AP1G2: variants seen among roughly 807,000 people sequenced by gnomAD.
The protein encoded by AP1G2 is AP-1 complex subunit gamma-like 2.
In AP1G2, 85 loss-of-function variants were observed where a neutral mutation model predicts 95.8. The ratio of observed to expected loss-of-function variants is 0.89; its 90% confidence interval spans 0.74 to 1.06. AP1G2 has a LOEUF of 1.06. AP1G2 is among the 50% of genes least tolerant of loss of function. The probability of loss-of-function intolerance (pLI) is 0.00; values close to 1 mark genes in which losing one functional copy is unlikely to be tolerated. For synonymous variants in AP1G2, 378 were observed against 400.0 expected, an observed-to-expected ratio of 0.94 and a Z score of 0.66; for missense variants, 967 against 1,005.8, an observed-to-expected ratio of 0.96 and a Z score of 0.52.
intron 19 of AP1G2, 62 bp downstream of exon 19, chr14:23,561,231 TAGG>T (rs1446398373): frequency 4.7e-6 from 7 of 1,502,132 alleles, no homozygotes; most frequent in East Asian, 2.3e-5. Context: ...GCCCTTGGCT[TAGG>T]AGGAGGAGCA....
In AP1G2 at chr14:23,563,701, TC is replaced by T. The variant is rs748453641; in HGVS notation, c.1232+14del. 6.2e-7 allele frequency: 1 copy of T among 1,613,984 alleles called. No individual in the cohort carries two copies. Among genetic ancestry groups the T allele is most frequent in the East Asian group, 2.2e-5 (1 of 44,890 alleles). ...CTCCCCAGATTCTACCCTCTTCGAC[TC>T]CTGGGCACCTCACCTCTCTGCAGCC... On this transcript the variant is annotated intron_variant, in intron 12 of 21. Coordinates refer to ENST00000397120, the MANE Select transcript of AP1G2 (RefSeq NM_003917.5).
intron 14 of AP1G2, chr14:23,562,961 G>T: frequency 2.6e-6 from 2 of 762,846 alleles, no homozygotes; most frequent in Non-Finnish European, 3.6e-6. Context: ...GGATGGAAAT[G>T]TGAGAGGGTC....
rs747580913 is a variant in AP1G2 at position 23,561,144 on chromosome 14, T to C, written c.1993+152A>G. 76 of 1,385,448 alleles carry C rather than the reference T, an allele frequency of 5.5e-5. 1 individual carries two copies. The highest frequency in any genetic ancestry group is 1.2e-4 in the East Asian group (5 of 40,152). The allele number at this position is 1,385,448 out of a possible 1,614,324, so 85.8% of individuals were successfully genotyped here. A position where few individuals can be genotyped will look rare whatever the true frequency, so the allele number is the denominator to read the frequency against. ...ACAAAGGGAAGACAGATGACCATGA[T>C]TGACTTCATTCTTTTACCTCCTGAG... On this transcript the variant is annotated intron_variant, in intron 19 of 21. Transcript: ENST00000397120.
Position 23,564,555 on chromosome 14 carries a change from G to C in AP1G2, c.921+7C>G. 6.2e-7 allele frequency: 1 copy of C among 1,612,834 alleles called. No homozygotes were observed. Among genetic ancestry groups the C allele is most frequent in the South Asian group, 1.1e-5 (1 of 91,030 alleles). ...GGCCGTAGTGGGAGAGGCATAAGGG[G>C]TGATACCCGTAGGCCAGCTGCAGAG... On this transcript the variant is annotated splice_region_variant and intron_variant, in intron 9 of 21. Coordinates refer to ENST00000397120, the MANE Select transcript of AP1G2 (RefSeq NM_003917.5).
Position 23,566,625 on chromosome 14 carries a change from C to T in AP1G2, c.266G>A (p.Gly89Glu). 1 of 1,614,194 alleles carries T rather than the reference C, an allele frequency of 6.2e-7. No homozygotes were observed. The change falls in exon 3 of 22, where the codon GGG becomes GAG. Residue 89 changes from glycine to glutamate, a missense_variant. Physicochemically the swap from Gly to Glu is moderately conservative, Grantham distance 98. Coordinates refer to ENST00000397120, the MANE Select transcript of AP1G2 (RefSeq NM_003917.5). Reference protein sequence around the residue: ...RFTDKRVGYLGAMLLLDERHD... With the variant: ...RFTDKRVGYLEAMLLLDERHD... ...CCTCTCATCCAATAGAAGCATGGCCCCCAGGTAGCCCACCCTCTTGTCTGT... is the reference window on the plus strand; with the variant it reads ...CCTCTCATCCAATAGAAGCATGGCCTCCAGGTAGCCCACCCTCTTGTCTGT...
chr14:23,565,328 ACAGG>A (rs1430479887), intron 7 of AP1G2, 129 bp from the exon 8 acceptor site: 2 of 986,038 alleles, frequency 2.0e-6, no homozygotes, highest in Non-Finnish European at 3.1e-6. Context: ...CCTCACCTCC[ACAGG>A]TCCCTTGGTC....
At position 23,564,177 on chromosome 14, in the gene AP1G2, G is replaced by A; in HGVS notation, c.978-18C>T. On this transcript the variant is annotated intron_variant, in intron 10 of 21. Coordinates refer to ENST00000397120, the MANE Select transcript of AP1G2 (RefSeq NM_003917.5). The stretch of plus-strand genomic sequence containing the variant: ...CTACATACCTGGTCAGGATGGGGGA[G>A]GTTCTATCATACCATGGCCATCAGC... 6.2e-7 allele frequency: 1 copy of A among 1,613,098 alleles called. No individual in the cohort carries two copies. The highest frequency in any genetic ancestry group is 8.5e-7 in the Non-Finnish European group (1 of 1,179,548).
rs769124005 is a variant in AP1G2 at position 23,561,559 on chromosome 14, CT to C, written c.1809del (p.Glu604LysfsTer24). 1 of 1,614,206 alleles carries C rather than the reference CT, an allele frequency of 6.2e-7. No individual in the cohort carries two copies. Among genetic ancestry groups the C allele is most frequent in the South Asian group, 1.1e-5 (1 of 91,082 alleles). The part of the protein sequence containing the change: ...PQADEEAKES[K>X]EAAQLSEAAP... ...GCTGCTTCTGAAAGCTGGGCTGCTT[CT>C]TTGCTTTCCTTTGCTTCCTCATCAG... On this transcript the variant is annotated frameshift_variant, in exon 18 of 22. Coordinates refer to ENST00000397120, the MANE Select transcript of AP1G2 (RefSeq NM_003917.5). LOFTEE classifies it high-confidence loss of function.
rs1370673589 is a variant in AP1G2 at position 23,567,429 on chromosome 14, TAA to T, written c.-5-112_-5-111del. 2.5e-5 allele frequency: 35 copies of T among 1,424,606 alleles called. No homozygotes were observed. The highest frequency in any genetic ancestry group is 3.1e-5 in the Non-Finnish European group (34 of 1,097,034). 88.2% of individuals were successfully genotyped at this position (1,424,606 alleles called of 1,614,324 possible). A position where few individuals can be genotyped will look rare whatever the true frequency, so the allele number is the denominator to read the frequency against. ...AAGAGCCCGGGTCCCACAGGTACCC[TAA>T]AATTGCGCCCGCATTTTACCTTTCC... On this transcript the variant is annotated intron_variant, in intron 1 of 21. Transcript: ENST00000397120. This position sits in a 1 kb window ranked among gnomAD's most constrained non-coding sequence, Gnocchi z 5.3.
In AP1G2 at chr14:23,564,320, T is replaced by A. The variant is rs1387644688; in HGVS notation, c.977+13A>T. On this transcript the variant is annotated intron_variant, in intron 10 of 21. Transcript: ENST00000397120. ...TCAGTGGCACAGCCTAGGTAGACAG[T>A]TGGGACTATTACCTAATGTTCCTGT... 6.2e-7 allele frequency: 1 copy of A among 1,613,766 alleles called. No homozygotes were observed. Among genetic ancestry groups the A allele is most frequent in the Admixed American group, 1.7e-5 (1 of 59,988 alleles).
intron 3 of AP1G2, 54 bp downstream of exon 3, chr14:23,566,508 A>G (rs1480889193): frequency 6.2e-7 from 1 of 1,608,028 alleles, no homozygotes; most frequent in East Asian, 2.2e-5. Context: ...GGGATTTCCA[A>G]GGTCCCTACT....
chr14:23,562,243 A>T (rs752499143), intron 16 of AP1G2, 45 bp downstream of exon 16: 1 of 1,610,172 alleles, frequency 6.2e-7, no homozygotes, highest in East Asian at 2.2e-5. Context: ...AAATGGGTGG[A>T]CCCAGTGACA....
chr14:23,563,101 AAC>A, intron 14 of AP1G2: 1 of 1,347,632 alleles, frequency 7.4e-7, no homozygotes. Context: ...AAACCTCATA[AAC>A]ACAAGAGCTT....
In AP1G2 at chr14:23,566,627, C is replaced by T. The variant is rs780815917; in HGVS notation, c.264G>A (p.Leu88=). 2.5e-6 allele frequency: 4 copies of T among 1,614,216 alleles called. No homozygotes were observed. Among genetic ancestry groups the T allele is most frequent in the Non-Finnish European group, 2.5e-6 (3 of 1,180,032 alleles). The change falls in exon 3 of 22, where the codon CTG becomes CTA. Residue 88 remains leucine (L), a synonymous_variant. Coordinates refer to ENST00000397120, the MANE Select transcript of AP1G2 (RefSeq NM_003917.5). ...SRFTDKRVGY[L]GAMLLLDERH... is the part of the protein sequence containing the mutation. ...TCTCATCCAATAGAAGCATGGCCCC[C>T]AGGTAGCCCACCCTCTTGTCTGTGA... is the stretch of plus-strand genomic sequence containing the variant.
chr14:23,565,852 G>A lies in AP1G2; in HGVS notation c.609C>T (p.Cys203=), dbSNP rs755852411. 54 of 1,574,960 alleles carry A rather than the reference G, an allele frequency of 3.4e-5. 1 individual carries two copies. The South Asian group carries it at 4.5e-4, about 13-fold the overall frequency. The change falls in exon 6 of 22, where the codon TGC becomes TGT. Residue 203 remains cysteine, a synonymous_variant. Coordinates refer to ENST00000397120, the MANE Select transcript of AP1G2 (RefSeq NM_003917.5). ...LGTITLITEL[C]ERSPAALRHF... ...GCCTGAGGGCTGCAGGGCTTCGTTC[G>A]CAGAGCTCCGTGATCAGCGTGATGG...
Position 23,562,351 on chromosome 14 carries a change from G to A in AP1G2, c.1565C>T (p.Ala522Val). Residue 522 changes from alanine to valine, a missense_variant, in exon 16 of 22, where the codon GCC (alanine) becomes GTC (valine). Coordinates refer to ENST00000397120, the MANE Select transcript of AP1G2 (RefSeq NM_003917.5). ...KVLQSHMSLPATRGYALTALM... is the reference protein window; with the variant it reads ...KVLQSHMSLPVTRGYALTALM... ...GGCTGTGAGGGCATATCCTCGAGTG[G>A]CTGGCAGGGACATGTGGGACTGCAG... 1 of 1,614,190 alleles carries A rather than the reference G, an allele frequency of 6.2e-7. No individual in the cohort carries two copies. Among genetic ancestry groups the A allele is most frequent in the Non-Finnish European group, 8.5e-7 (1 of 1,180,020 alleles).
chr14:23,564,350 G>A lies in AP1G2; in HGVS notation c.960C>T (p.Asn320=), dbSNP rs760705696. Residue 320 remains asparagine, a synonymous_variant, in exon 10 of 22, where the codon AAC becomes AAT. Transcript: ENST00000397120. Reference sequence around the variant, plus strand: ...ACTATTACCTAATGTTCCTGTCACTGTTGAGTAGGAAGCGACCAAGAATGT... The same window carrying A: ...ACTATTACCTAATGTTCCTGTCACTATTGAGTAGGAAGCGACCAAGAATGT... ...AVNILGRFLL[N]SDRNIRYVAL... The A allele has an allele frequency of 6.2e-7, 1 of 1,614,232 alleles. No individual in the cohort carries two copies. Among genetic ancestry groups the A allele is most frequent in the Non-Finnish European group, 8.5e-7 (1 of 1,180,044 alleles).
chr14:23,559,932 G>A lies in AP1G2; in HGVS notation c.2256+6C>T, dbSNP rs955671575. 6.2e-7 allele frequency: 1 copy of A among 1,612,178 alleles called. No individual in the cohort carries two copies. The highest frequency in any genetic ancestry group is 1.3e-5 in the African/African-American group (1 of 75,000). On this transcript the variant is annotated splice_donor_region_variant and intron_variant, in intron 21 of 21. Coordinates refer to ENST00000397120, the MANE Select transcript of AP1G2 (RefSeq NM_003917.5). ...GTCTTGTCTTGGGGGAACTCCTGAA[G>A]CTCACCTTGTTAGGATTGAGGATTC...
intron 7 of AP1G2, 105 bp downstream of exon 7, chr14:23,565,501 C>T (rs1277630652): frequency 2.9e-6 from 3 of 1,042,400 alleles, no homozygotes; most frequent in South Asian, 1.5e-5. Flanking sequence ...CTCTGCTGCC[C>T]AGGACACTGA....
Sources: allele counts gnomAD v4.1 joint callset, GRCh38; gene constraint gnomAD v4.1.1; non-coding constraint Gnocchi (gnomAD v3.1); transcripts MANE v1.5; gene names NCBI Gene and HGNC (gene_info 2026-07-23, HGNC 2026-07-21).